Variants in CERKL observed in about 807,000 individuals in gnomAD.
CERKL encodes ceramide kinase-like protein.
Under a neutral mutation model 63.4 loss-of-function variants are expected in CERKL, and 61 were observed. The ratio of observed to expected loss-of-function variants is 0.96; its 90% CI spans 0.78 to 1.19. CERKL has a LOEUF of 1.19. CERKL is among the 50% of genes most tolerant of loss of function. The pLI, the probability that CERKL is intolerant of heterozygous loss-of-function variation, is 0.00. For synonymous variants in CERKL, 250 were observed against 230.5 expected (o/e 1.08, Z -0.77); for missense variants, 675 against 655.5 (o/e 1.03, Z -0.33).
At chr2:181,556,614 A>G (rs1001064177) in intron 5 of CERKL, among the ~76,000 whole-genome samples, 18 of 152,234 alleles carry the variant, frequency 1.2e-4, no homozygotes, top group Admixed American at 9.8e-4. Flanking sequence ...TGGTGTATAT[A>G]TGCCACATTT....
At chr2:181,572,780 C>CTTTTTTTTTT (rs5836800) in intron 3 of CERKL, among the ~76,000 whole-genome samples, 4 of 131,190 alleles carry the variant, frequency 3.0e-5, no homozygotes, top group African/African-American at 8.6e-5. Context: ...ACAAAACTTG[C>CTTTTTTTTTT]TTTTTTTTTT....
intron 1 of CERKL, among the ~76,000 whole-genome samples, chr2:181,625,353 G>A (rs1188677061): frequency 6.6e-6 from 1 of 151,798 alleles, no homozygotes; most frequent in Admixed American, 6.6e-5. Context: ...TAGAAAGTTG[G>A]GGGGTGGGGT....
At chr2:181,573,623 G>C in intron 3 of CERKL, 130 bp downstream of exon 3, 1 of 620,876 alleles carries the variant, frequency 1.6e-6, no homozygotes, top group East Asian at 3.1e-5. Flanking sequence ...GGCTGCAGTA[G>C]GTTATGAAGA....
At chr2:181,552,197 A>T (rs1688016175) in intron 5 of CERKL, among the ~76,000 whole-genome samples, 1 of 152,134 alleles carries the variant, frequency 6.6e-6, no homozygotes, top group Non-Finnish European at 1.5e-5. Flanking sequence ...AATTTCAGGT[A>T]AAAGGAATAA....
intron 2 of CERKL, among the ~76,000 whole-genome samples, chr2:181,592,709 C>A (rs1307928122): frequency 6.6e-6 from 1 of 152,176 alleles, no homozygotes; most frequent in Non-Finnish European, 1.5e-5. Flanking sequence ...GGACAGACTG[C>A]CTGAGTTTGA....
intron 1 of CERKL, among the ~76,000 whole-genome samples, chr2:181,644,164 T>C (rs1055113095): frequency 3.3e-5 from 5 of 152,262 alleles, no homozygotes; most frequent in Non-Finnish European, 5.9e-5. Context: ...GTATTCTTAA[T>C]TTTTGACTTC....
intron 1 of CERKL, 34 bp downstream of exon 1, chr2:181,656,719 GAGGGAGGAAGCGCGGA>G: frequency 6.8e-7 from 1 of 1,471,736 alleles, no homozygotes; most frequent in Non-Finnish European, 9.2e-7. Context: ...GGGCCGGGGA[GAGGGAGGAAGCGCGGA>G]GGGAGGCGAA....
intron 2 of CERKL, among the ~76,000 whole-genome samples, chr2:181,598,789 A>G (rs771355233): frequency 3.3e-5 from 5 of 152,108 alleles, no homozygotes; most frequent in Admixed American, 6.5e-5. Flanking sequence ...AGGAATCCAT[A>G]AAGAGCCTTG....
intron 2 of CERKL, among the ~76,000 whole-genome samples, chr2:181,576,713 G>A (rs1299486917): frequency 6.6e-6 from 1 of 152,226 alleles, no homozygotes; most frequent in African/African-American, 2.4e-5. Context: ...ACTCCAGGTG[G>A]GAAATGGTTG....
At chr2:181,656,314 A>C (rs1194556227) in intron 1 of CERKL, among the ~76,000 whole-genome samples, 1 of 152,252 alleles carries the variant, frequency 6.6e-6, no homozygotes, top group African/African-American at 2.4e-5. Flanking sequence ...AGTTGGATTC[A>C]GAACTCTTGT....
intron 1 of CERKL, among the ~76,000 whole-genome samples, chr2:181,616,689 G>T (rs777105704): frequency 5.9e-5 from 9 of 152,138 alleles, no homozygotes; most frequent in African/African-American, 9.7e-5. Context: ...AGAGCTGTTT[G>T]ACTTTCAATC....
chr2:181,583,234 T>C (rs571398167), intron 2 of CERKL, among the ~76,000 whole-genome samples: 5 of 151,950 alleles, frequency 3.3e-5, no homozygotes, highest in African/African-American at 1.2e-4. Context: ...CAGGCAAGGA[T>C]GATCAATGTG....
In CERKL at chr2:181,656,894, T is replaced by C. The variant is rs1315057851; in HGVS notation, c.113A>G (p.Gln38Arg). The change falls in exon 1 of 13, where the codon CAG (glutamine) becomes CGG (arginine). Residue 38 changes from glutamine (Q) to arginine (R), a missense_variant. Coordinates refer to ENST00000410087, the MANE Select transcript of CERKL (RefSeq NM_201548.5). Reference sequence around the variant, plus strand: ...AATCCGCTCGGCCGCCGCCTCCGTCTGCTGCGGGGACGTTAACAGCGCCGG... The same window carrying C: ...AATCCGCTCGGCCGCCGCCTCCGTCCGCTGCGGGGACGTTAACAGCGCCGG... ...VPPALLTSPQQTEAAAERILL... is the reference protein window; with the variant it reads ...VPPALLTSPQRTEAAAERILL... 10 of 1,605,054 alleles carry C rather than the reference T, an allele frequency of 6.2e-6. No individual in the cohort carries two copies. In the African/African-American group the frequency reaches 6.7e-5, roughly 11 times the overall value.
At chr2:181,548,221 C>T in intron 8 of CERKL, 1 of 496,000 alleles carries the variant, frequency 2.0e-6, no homozygotes. Flanking sequence ...ATATAGTAGG[C>T]ACTCAAAAGA....
chr2:181,641,346 C>CATATATATATATATATATAT (rs1299406156), intron 1 of CERKL, among the ~76,000 whole-genome samples: 1 of 11,054 alleles, frequency 9.0e-5, no homozygotes. Context: ...TATATATATA[C>CATATATATATATATATATAT]ATATATATAC....
chr2:181,656,569 G>A (rs974108451), intron 1 of CERKL, among the ~76,000 whole-genome samples, 200 bp downstream of exon 1: 10 of 151,810 alleles, frequency 6.6e-5, no homozygotes, highest in African/African-American at 2.2e-4. Flanking sequence ...CTGGGATGGG[G>A]CGAGAGGCGT....
intron 1 of CERKL, among the ~76,000 whole-genome samples, chr2:181,606,887 T>C (rs1574493108): frequency 6.6e-6 from 1 of 152,340 alleles, no homozygotes; most frequent in East Asian, 1.9e-4. Context: ...TGGTTTGTCC[T>C]GTCCCGGTCA....
In CERKL at chr2:181,603,837, C is replaced by G; in HGVS notation, c.481G>C (p.Gly161Arg). 1.2e-6 allele frequency: 2 copies of G among 1,612,982 alleles called. No individual in the cohort carries two copies. Among genetic ancestry groups the G allele is most frequent in the Non-Finnish European group, 1.7e-6 (2 of 1,179,360 alleles). Residue 161 changes from glycine (G) to arginine (R), a missense_variant and splice_region_variant, in exon 2 of 13, where the codon GGC (glycine) becomes CGC (arginine). Transcript: ENST00000410087. ...AAAATTTCCCATGAGGAGTACTTAC[C>G]TGCCAATATTTTCTTGAACTGTCTA... ...WFRQFKKILA[G>R]FPNRPKSLKI...
chr2:181,564,958 T>C (rs1688599236), intron 4 of CERKL, among the ~76,000 whole-genome samples: 1 of 152,204 alleles, frequency 6.6e-6, no homozygotes, highest in Non-Finnish European at 1.5e-5. Context: ...ATTCCCAATG[T>C]TTATATAATA....
Sources: allele counts gnomAD v4.1 joint callset (sites outside exome capture counted in the v4.1 genomes callset), GRCh38; gene constraint gnomAD v4.1.1; transcripts MANE v1.5; gene names NCBI Gene and HGNC (gene_info 2026-07-23, HGNC 2026-07-21).